The following FSTL4 variants were observed in gnomAD, a reference collection of about 807,000 sequenced individuals.
FSTL4 encodes the protein follistatin like 4.
Under a neutral mutation model 78.2 loss-of-function variants are expected in FSTL4, and 28 were observed. That is an observed-to-expected ratio of 0.36 (90% CI 0.27 to 0.49). The LOEUF (loss-of-function observed/expected upper bound fraction) is 0.49. Ranked by LOEUF, FSTL4 falls within the 20% of genes least tolerant of loss-of-function variation. FSTL4 has a pLI of 0.98. For synonymous variants in FSTL4, 422 were observed against 440.5 expected, an observed-to-expected ratio of 0.96 and a Z score of 0.53; for missense variants, 922 against 1,084.9, an observed-to-expected ratio of 0.85 and a Z score of 2.11.
intron 3 of FSTL4, among the ~76,000 whole-genome samples, chr5:133,503,605 C>T (rs1353065963): frequency 6.6e-6 from 1 of 152,220 alleles, no homozygotes; most frequent in African/African-American, 2.4e-5. Context: ...AGACCTTCTT[C>T]TCTTCAGATT....
intron 3 of FSTL4, among the ~76,000 whole-genome samples, chr5:133,411,128 T>C (rs17629149): frequency 0.15 from 22,402 of 152,130 alleles, 1,809 homozygotes; most frequent in East Asian, 0.2. Context: ...GGGTCAGCAA[T>C]TGCCCTATCA....
At chr5:133,715,579 G>A in the FSTL4 span, among the ~76,000 whole-genome samples, 1 of 152,084 alleles carries the variant, frequency 6.6e-6, no homozygotes, top group Non-Finnish European at 1.5e-5. Context: ...GGGGAAAGAG[G>A]GCAGATTAAC....
At chr5:133,547,916 T>G (rs1482714767) in intron 3 of FSTL4, among the ~76,000 whole-genome samples, 1 of 152,192 alleles carries the variant, frequency 6.6e-6, no homozygotes, top group Non-Finnish European at 1.5e-5. Flanking sequence ...TCATTAAAGT[T>G]ACCCGGCCAA....
rs766582884 is a variant in FSTL4, at chr5:133,220,858, C to T, written c.1348G>A (p.Val450Met). Residue 450 changes from valine to methionine, a missense_variant, in exon 12 of 16, where the codon GTG becomes ATG. By Grantham distance (21) the Val-to-Met change is conservative. Transcript: ENST00000265342. ...NILWREEGLSVGNMFYVFSDD... is the reference protein window; with the variant it reads ...NILWREEGLSMGNMFYVFSDD... ...GAGAAGACATAGAACATGTTTCCCA[C>T]GCTGAGGCCTGGGAGGAGCAAATGG... 9.4e-5 allele frequency: 150 copies of T among 1,596,144 alleles called. 2 individuals carry two copies. In the South Asian group the frequency reaches 9.5e-4, roughly 10 times the overall value.
At chr5:133,699,922 C>T in the FSTL4 span, among the ~76,000 whole-genome samples, 1 of 148,096 alleles carries the variant, frequency 6.8e-6, no homozygotes, top group African/African-American at 2.5e-5. Context: ...CCTTACACAA[C>T]ATTCATTCTT....
intron 3 of FSTL4, among the ~76,000 whole-genome samples, chr5:133,529,142 G>C (rs1396157078): frequency 2.6e-5 from 4 of 152,216 alleles, no homozygotes; most frequent in Non-Finnish European, 5.9e-5. Flanking sequence ...GCTCAGAATT[G>C]TTCCTGGAGC....
At chr5:133,468,505 G>A (rs565069750) in intron 3 of FSTL4, among the ~76,000 whole-genome samples, 4 of 152,210 alleles carry the variant, frequency 2.6e-5, no homozygotes, top group Non-Finnish European at 4.4e-5. Context: ...TATGAAGGCC[G>A]ACTCGAAGTT....
chr5:133,386,785 T>C (rs1001701123), intron 4 of FSTL4, among the ~76,000 whole-genome samples: 2 of 152,078 alleles, frequency 1.3e-5, no homozygotes, highest in African/African-American at 4.8e-5. Context: ...TTTCTTCCTG[T>C]GCAACGAAGC....
chr5:133,226,416 G>A (rs1403423040), intron 8 of FSTL4, among the ~76,000 whole-genome samples: 1 of 152,080 alleles, frequency 6.6e-6, no homozygotes, highest in Non-Finnish European at 1.5e-5. Flanking sequence ...GGGGGTGTGA[G>A]CCTGCCCACT....
intron 6 of FSTL4, among the ~76,000 whole-genome samples, chr5:133,302,272 G>A (rs909932931): frequency 1.3e-5 from 2 of 151,944 alleles, no homozygotes; most frequent in African/African-American, 2.4e-5. Flanking sequence ...CTCCATCCAC[G>A]GGGAAGATCT....
intron 2 of FSTL4, among the ~76,000 whole-genome samples, chr5:133,576,249 T>G (rs1261520309): frequency 6.6e-6 from 1 of 152,204 alleles, no homozygotes; most frequent in East Asian, 1.9e-4. Context: ...ATGTCCATCT[T>G]GGGCACAGGG....
At chr5:133,714,058 C>T in the FSTL4 span, among the ~76,000 whole-genome samples, 1 of 152,160 alleles carries the variant, frequency 6.6e-6, no homozygotes, top group African/African-American at 2.4e-5. Context: ...GTCCACTGAC[C>T]CACAGAAGAG....
At chr5:133,662,333 G>T in the FSTL4 span, among the ~76,000 whole-genome samples, 1 of 152,026 alleles carries the variant, frequency 6.6e-6, no homozygotes, top group South Asian at 2.1e-4. Context: ...GAAATGCTCT[G>T]CAGTGCCATT....
At chr5:133,346,798 G>C (rs1754705304) in intron 4 of FSTL4, among the ~76,000 whole-genome samples, 1 of 152,038 alleles carries the variant, frequency 6.6e-6, no homozygotes, top group Admixed American at 6.5e-5. Flanking sequence ...GTGTTTCTCA[G>C]TTTCTCTCTC....
intron 6 of FSTL4, among the ~76,000 whole-genome samples, chr5:133,280,479 G>A (rs553796735): frequency 1.3e-5 from 2 of 152,074 alleles, no homozygotes; most frequent in Non-Finnish European, 2.9e-5. Flanking sequence ...CTGGGCCAGG[G>A]GTGTGCAGAT....
At chr5:133,349,844 C>T (rs1379178949) in intron 4 of FSTL4, among the ~76,000 whole-genome samples, 1 of 139,610 alleles carries the variant, frequency 7.2e-6, no homozygotes, top group East Asian at 2.2e-4. Flanking sequence ...TGTAAAGGAC[C>T]CATAGGATGG....
intron 6 of FSTL4, among the ~76,000 whole-genome samples, chr5:133,289,292 C>T (rs1753203762): frequency 6.6e-6 from 1 of 152,184 alleles, no homozygotes; most frequent in South Asian, 2.1e-4. Context: ...TCTTCTGAGC[C>T]TTTCTCTTGC....
At position 133,200,065 on chromosome 5, in the gene FSTL4, C is replaced by T. The variant is rs944812631; in HGVS notation, c.1827-268G>A. On this transcript the variant is annotated intron_variant, in intron 15 of 15. Coordinates refer to ENST00000265342, the MANE Select transcript of FSTL4 (RefSeq NM_015082.2). ...CGTTGGAAATGATTATGGAGGAAGG[C>T]GAGAGGCGCTTCAACTGCTTCTCCA... 3.9e-5 allele frequency among the ~76,000 whole-genome samples: 6 copies of T among 152,150 alleles called. No homozygotes were observed. In the South Asian group the frequency reaches 1.0e-3, roughly 26 times the overall value.
intron 4 of FSTL4, among the ~76,000 whole-genome samples, chr5:133,392,953 A>G (rs1422623048): frequency 1.3e-5 from 2 of 152,266 alleles, no homozygotes; most frequent in East Asian, 1.9e-4. Flanking sequence ...CACACCACAC[A>G]TGCCGAACTG....
Sources: allele counts gnomAD v4.1 joint callset (sites outside exome capture counted in the v4.1 genomes callset), GRCh38; gene constraint gnomAD v4.1.1; transcripts MANE v1.5; gene names NCBI Gene and HGNC (gene_info 2026-07-23, HGNC 2026-07-21).